THSD7B: variants seen among roughly 807,000 people sequenced by gnomAD.
THSD7B encodes the protein thrombospondin type 1 domain containing 7B.
In THSD7B, 138 loss-of-function variants were observed where a neutral mutation model predicts 213.6. The ratio of observed to expected loss-of-function variants is 0.65; its 90% CI spans 0.56 to 0.74. The LOEUF is 0.74. Ranked by LOEUF, THSD7B falls within the 30% of genes least tolerant of loss-of-function variation. The probability of loss-of-function intolerance (pLI) is 0.00; values close to 1 mark genes in which losing one functional copy is unlikely to be tolerated. For missense variants in THSD7B, 1,931 were observed against 1,991.5 expected (o/e 0.97, Z 0.58); for synonymous variants, 742 against 687.0 (o/e 1.08, Z -1.25).
At chr2:137,265,188 T>C (rs983581931) in intron 10 of THSD7B, among the ~76,000 whole-genome samples, 2 of 152,208 alleles carry the variant, frequency 1.3e-5, no homozygotes, top group African/African-American at 4.8e-5. Context: ...TAGTATTCCA[T>C]GGTGTATATG....
chr2:137,076,221 G>C (rs1205530814), intron 3 of THSD7B, among the ~76,000 whole-genome samples: 1 of 152,250 alleles, frequency 6.6e-6, no homozygotes, highest in South Asian at 2.1e-4. Context: ...TCCTTGAGCT[G>C]TGGTGGGCTC....
intron 16 of THSD7B, among the ~76,000 whole-genome samples, chr2:137,565,264 A>T (rs1431707407): frequency 6.6e-6 from 1 of 152,182 alleles, no homozygotes; most frequent in African/African-American, 2.4e-5. Context: ...CTATGACAGA[A>T]TACCCAAGAC....
At chr2:136,780,618 C>T (rs146851924) in intron 1 of THSD7B, among the ~76,000 whole-genome samples, 5 of 152,268 alleles carry the variant, frequency 3.3e-5, no homozygotes, top group African/African-American at 9.6e-5. Context: ...ACTGTATGTA[C>T]GGAACTTCCC....
intron 14 of THSD7B, among the ~76,000 whole-genome samples, chr2:137,444,838 A>G (rs1375298873): frequency 6.6e-6 from 1 of 152,084 alleles, no homozygotes; most frequent in East Asian, 1.9e-4. Context: ...GACAACCTAC[A>G]GAACGAGAGA....
intron 12 of THSD7B, among the ~76,000 whole-genome samples, chr2:137,315,115 G>A (rs6430708): frequency 0.025 from 3,765 of 152,216 alleles, 170 homozygotes; most frequent in African/African-American, 0.083. Context: ...CCTCGCTGCC[G>A]CCTTGCAGTT....
chr2:137,144,540 T>C (rs1328901818), intron 5 of THSD7B, among the ~76,000 whole-genome samples: 5 of 152,078 alleles, frequency 3.3e-5, no homozygotes, highest in Non-Finnish European at 5.9e-5. Context: ...ATATGTGTTC[T>C]TATTTAAATA....
In THSD7B at chr2:137,642,507, A is replaced by C; in HGVS notation, c.3819A>C (p.Arg1273=). ...TTTTAGGTCGAATGAGCCGGACTCG[A>C]TTTATCATTATGCCAACCCAAGGAG... ...CGHGGRMSRT[R]FIIMPTQGEG... is the part of the protein sequence containing the mutation. The change falls in exon 21 of 28, where the codon CGA becomes CGC. Residue 1273 remains arginine, a synonymous_variant. Coordinates refer to ENST00000409968, the MANE Select transcript of THSD7B (RefSeq NM_001316349.2). The C allele has an allele frequency of 6.2e-7, 1 of 1,613,854 alleles. No individual in the cohort carries two copies. The highest frequency in any genetic ancestry group is 8.5e-7 in the Non-Finnish European group (1 of 1,179,834).
intron 1 of THSD7B, among the ~76,000 whole-genome samples, chr2:136,776,359 G>T (rs1225700838): frequency 6.6e-6 from 1 of 152,062 alleles, no homozygotes; most frequent in Non-Finnish European, 1.5e-5. Context: ...GAACCTAGGG[G>T]TTAAGATTCA....
At chr2:136,943,657 G>T (rs1054837954) in intron 2 of THSD7B, among the ~76,000 whole-genome samples, 1 of 152,184 alleles carries the variant, frequency 6.6e-6, no homozygotes, top group Non-Finnish European at 1.5e-5. Flanking sequence ...AGATTTCTTA[G>T]TTTATTTGTG....
chr2:137,226,344 T>A (rs1018071129), intron 7 of THSD7B, among the ~76,000 whole-genome samples: 1 of 151,876 alleles, frequency 6.6e-6, no homozygotes, highest in African/African-American at 2.4e-5. Flanking sequence ...TCTAGGTTTT[T>A]TTTATTTTCT....
chr2:136,856,912 G>T (rs866297207), intron 1 of THSD7B, among the ~76,000 whole-genome samples: 1 of 152,202 alleles, frequency 6.6e-6, no homozygotes, highest in South Asian at 2.1e-4. Context: ...AAGAGAATGA[G>T]AGAGAAAGTG....
intron 1 of THSD7B, among the ~76,000 whole-genome samples, chr2:136,810,244 T>C (rs912492441): frequency 2.6e-5 from 4 of 152,194 alleles, no homozygotes; most frequent in Admixed American, 2.0e-4. Flanking sequence ...AAGCTGAACT[T>C]TGCATTTTCC....
At position 137,215,968 on chromosome 2, in the gene THSD7B, AG is replaced by A. The variant is rs567456316; in HGVS notation, c.1724-15075del. ...TTTCAATATTTTATGAAATTAGCAA[AG>A]CTTTATTGTATTTTCTGCCTGGGTA... On this transcript the variant is annotated intron_variant, in intron 7 of 27. Transcript: ENST00000409968. 2.3e-3 allele frequency among the ~76,000 whole-genome samples: 349 copies of A among 152,278 alleles called. 4 individuals carry two copies. The highest frequency in any genetic ancestry group is 7.7e-3 in the African/African-American group (319 of 41,558).
chr2:136,833,003 T>C (rs1682780532), intron 1 of THSD7B, among the ~76,000 whole-genome samples: 1 of 152,164 alleles, frequency 6.6e-6, no homozygotes, highest in African/African-American at 2.4e-5. Context: ...TACTGATCTC[T>C]TAATAGACTT....
intron 12 of THSD7B, among the ~76,000 whole-genome samples, chr2:137,401,802 C>T (rs879307116): frequency 6.6e-6 from 1 of 152,118 alleles, no homozygotes; most frequent in Non-Finnish European, 1.5e-5. Flanking sequence ...CTCCATTAAA[C>T]TACTTTACAA....
At chr2:136,906,825 A>C (rs4352272) in intron 2 of THSD7B, among the ~76,000 whole-genome samples, 79,613 of 151,462 alleles carry the variant, frequency 0.53, 22,078 homozygotes, top group East Asian at 0.85. Flanking sequence ...AAATGAAAAT[A>C]AAAGAAATAA....
At chr2:137,275,874 C>G (rs374688950) in intron 11 of THSD7B, 49 bp from the exon 12 acceptor site, 5 of 1,374,392 alleles carry the variant, frequency 3.6e-6, no homozygotes, top group Admixed American at 2.0e-5. Context: ...ATTTCTTCCT[C>G]GTGTTGATCA....
intron 7 of THSD7B, among the ~76,000 whole-genome samples, chr2:137,186,554 T>G (rs551244409): frequency 6.6e-6 from 1 of 152,204 alleles, no homozygotes; most frequent in East Asian, 1.9e-4. Flanking sequence ...TTCTCTGTTT[T>G]GTTCCATTGA....
intron 1 of THSD7B, among the ~76,000 whole-genome samples, chr2:136,856,374 G>T (rs1369520674): frequency 1.3e-5 from 2 of 152,056 alleles, no homozygotes; most frequent in Non-Finnish European, 2.9e-5. Context: ...TCATCAAAAG[G>T]GTCTTAGTAT....
Sources: allele counts gnomAD v4.1 joint callset (sites outside exome capture counted in the v4.1 genomes callset), GRCh38; gene constraint gnomAD v4.1.1; transcripts MANE v1.5; gene names NCBI Gene and HGNC (gene_info 2026-07-23, HGNC 2026-07-21).